RNF111: variants seen among roughly 807,000 people sequenced by gnomAD.
The protein encoded by RNF111 is E3 ubiquitin-protein ligase Arkadia.
A neutral mutation model predicts 95.1 loss-of-function variants in RNF111; 17 were observed. The observed-to-expected ratio is 0.18, with a 90% CI of 0.12 to 0.27. RNF111 has a LOEUF of 0.27. RNF111 is among the 10% of genes least tolerant of loss of function. The probability of loss-of-function intolerance (pLI) is 1.00; values close to 1 mark genes in which losing one functional copy is unlikely to be tolerated. For missense variants in RNF111, 1,189 were observed against 1,210.4 expected, an observed-to-expected ratio of 0.98 and a Z score of 0.26; for synonymous variants, 440 against 414.8, an observed-to-expected ratio of 1.06 and a Z score of -0.74.
chr15:58,993,037 G>A (rs759542624), intron 1 of RNF111, among the ~76,000 whole-genome samples: 4 of 151,468 alleles, frequency 2.6e-5, no homozygotes, highest in African/African-American at 9.7e-5. Flanking sequence ...GGGCATGGTG[G>A]CGGGTGCTTG....
chr15:59,001,124 G>A (rs1442654678), intron 1 of RNF111, among the ~76,000 whole-genome samples: 4 of 152,118 alleles, frequency 2.6e-5, no homozygotes, highest in Non-Finnish European at 4.4e-5. Context: ...AGTGAGCCTC[G>A]TGGTTATCTG....
In RNF111 at chr15:58,991,683, A is replaced by G. The variant is rs146814439; in HGVS notation, c.-20+3615A>G. On this transcript the variant is annotated intron_variant, in intron 1 of 13. Transcript: ENST00000348370. ...ACTGCTACAGATAGCAGGGGCGGCA[A>G]ATGCATTAGGTGAGGTTTGATTCTA... Among the ~76,000 whole-genome samples the G allele has an allele frequency of 1.5e-4, 23 of 152,308 alleles. No homozygotes were observed. The East Asian group carries it at 4.2e-3, about 28-fold the overall frequency.
chr15:59,073,524 T>G (rs1163051540), intron 6 of RNF111, among the ~76,000 whole-genome samples: 1 of 152,062 alleles, frequency 6.6e-6, no homozygotes, highest in African/African-American at 2.4e-5. Context: ...TGCTCCTCCG[T>G]CAGAAGCAAC....
chr15:59,006,575 CT>C (rs2039549037), intron 1 of RNF111, among the ~76,000 whole-genome samples: 2 of 152,192 alleles, frequency 1.3e-5, no homozygotes, highest in Admixed American at 1.3e-4. Context: ...TCCCTGCCAC[CT>C]AGATTCTATG....
chr15:58,988,742 T>C (rs2038680336), intron 1 of RNF111, among the ~76,000 whole-genome samples: 2 of 152,344 alleles, frequency 1.3e-5, no homozygotes, highest in South Asian at 4.1e-4. Context: ...ATTCAAAAAA[T>C]ACCAGAAAGT....
intron 6 of RNF111, among the ~76,000 whole-genome samples, chr15:59,069,676 A>G (rs2042823180): frequency 6.6e-6 from 1 of 152,192 alleles, no homozygotes. Context: ...GAAGGTAAAG[A>G]GAGTGAGATT....
rs374995639 is a variant in RNF111, at chr15:59,095,182, C to G, written c.*282C>G. The stretch of plus-strand genomic sequence containing the variant: ...TGCATTTCTTTGCACATATTATGGG[C>G]TTGTGACCCTAAACTTGCAGGCAAG... On this transcript the variant is annotated 3_prime_UTR_variant, in exon 14 of 14. Coordinates refer to ENST00000348370, the MANE Select transcript of RNF111 (RefSeq NM_017610.8). 3.3e-6 allele frequency: 1 copy of G among 302,354 alleles called. No homozygotes were observed. The highest frequency in any genetic ancestry group is 6.2e-6 in the Non-Finnish European group (1 of 161,998). The allele number at this position is 302,354 out of a possible 1,614,324, so 18.7% of individuals were successfully genotyped here.
chr15:59,071,749 T>C (rs1378192368), intron 6 of RNF111, among the ~76,000 whole-genome samples: 1 of 151,970 alleles, frequency 6.6e-6, no homozygotes, highest in Non-Finnish European at 1.5e-5. Context: ...GGAAGTGGAA[T>C]CTACCCTCTG....
intron 1 of RNF111, among the ~76,000 whole-genome samples, chr15:59,015,474 A>T (rs1219027856): frequency 6.6e-6 from 1 of 152,112 alleles, no homozygotes; most frequent in African/African-American, 2.4e-5. Flanking sequence ...CTTTGCCCCC[A>T]TCACTGTAAG....
intron 6 of RNF111, among the ~76,000 whole-genome samples, chr15:59,072,938 A>C (rs1433010468): frequency 1.3e-5 from 2 of 151,294 alleles, no homozygotes; most frequent in Non-Finnish European, 2.9e-5. Context: ...ATTTGCTCCC[A>C]ACACTTTGTG....
Position 58,988,299 on chromosome 15 carries a change from A to T in RNF111, c.-20+231A>T, listed in dbSNP as rs547493124. 3 of 152,212 alleles carry T rather than the reference A, an allele frequency of 2.0e-5. No individual in the cohort carries two copies. In the East Asian group the frequency reaches 5.8e-4, roughly 29 times the overall value. 9.4% of individuals were successfully genotyped at this position (152,212 alleles called of 1,614,324 possible). On this transcript the variant is annotated intron_variant, in intron 1 of 13. Transcript: ENST00000348370. ...ACACACCCACAGCCTACAGTGAGGG[A>T]GTGTGGGTGAGGGGATTTCTCTCCC...
chr15:58,998,845 G>T (rs2039199785), intron 1 of RNF111, among the ~76,000 whole-genome samples: 1 of 152,208 alleles, frequency 6.6e-6, no homozygotes, highest in Admixed American at 6.5e-5. Context: ...GTTACATAAT[G>T]AAATGTGTCA....
chr15:59,067,826 A>G (rs140365796), intron 6 of RNF111, among the ~76,000 whole-genome samples: 4 of 152,310 alleles, frequency 2.6e-5, no homozygotes, highest in East Asian at 3.8e-4. Context: ...AGAGTTCACT[A>G]TAACCTTCAC....
chr15:58,998,319 G>A (rs1439435182), intron 1 of RNF111, among the ~76,000 whole-genome samples: 1 of 151,632 alleles, frequency 6.6e-6, no homozygotes, highest in Non-Finnish European at 1.5e-5. Flanking sequence ...GTGTCATAGA[G>A]TTTGTTGTAC....
rs567087928 is a variant in RNF111, at chr15:59,022,959, G to A, written c.-19-7845G>A. On this transcript the variant is annotated intron_variant, in intron 1 of 13. Coordinates refer to ENST00000348370, the MANE Select transcript of RNF111 (RefSeq NM_017610.8). ...ATGACAGAGGATCTTTGAAAGTGAGGAAATTGGCTGGGCGCGGTGGCTTAC... is the reference window on the plus strand; with the variant it reads ...ATGACAGAGGATCTTTGAAAGTGAGAAAATTGGCTGGGCGCGGTGGCTTAC... Among the ~76,000 whole-genome samples the A allele has an allele frequency of 1.3e-3, 197 of 152,144 alleles. 5 individuals carry two copies. The South Asian group carries it at 0.04, about 31-fold the overall frequency.
intron 11 of RNF111, among the ~76,000 whole-genome samples, chr15:59,090,326 T>C (rs556583617): frequency 4.6e-5 from 7 of 152,188 alleles, no homozygotes; most frequent in African/African-American, 1.7e-4. Flanking sequence ...GCCTCCTGGG[T>C]TCAAGCAATT....
chr15:59,011,610 C>T (rs755018043), intron 1 of RNF111, among the ~76,000 whole-genome samples: 6 of 152,162 alleles, frequency 3.9e-5, no homozygotes, highest in South Asian at 2.1e-4. Flanking sequence ...TATAAATGAT[C>T]GCTTGCTGTG....
Position 59,030,981 on chromosome 15 carries a change from T to C in RNF111, c.159T>C (p.Val53=), listed in dbSNP as rs1197486965. 1 of 1,614,054 alleles carries C rather than the reference T, an allele frequency of 6.2e-7. No individual in the cohort carries two copies. Among genetic ancestry groups the C allele is most frequent in the African/African-American group, 1.3e-5 (1 of 74,934 alleles). Residue 53 remains valine (V), a synonymous_variant, in exon 2 of 14, where the codon GTT becomes GTC. Coordinates refer to ENST00000348370, the MANE Select transcript of RNF111 (RefSeq NM_017610.8). ...CAGCCAAAAGTTTTCCTGCAGGAGT[T>C]GAGATGATTAATAGTAAAGTGGGGA... is the stretch of plus-strand genomic sequence containing the variant. ...IGAAKSFPAG[V]EMINSKVGNE...
chr15:59,086,104 G>A (rs2078892885), intron 10 of RNF111, among the ~76,000 whole-genome samples: 1 of 151,918 alleles, frequency 6.6e-6, no homozygotes, highest in Non-Finnish European at 1.5e-5. Context: ...CCGTTCTGAT[G>A]CAGTCATACT....
Sources: allele counts gnomAD v4.1 joint callset (sites outside exome capture counted in the v4.1 genomes callset), GRCh38; gene constraint gnomAD v4.1.1; transcripts MANE v1.5; gene names NCBI Gene and HGNC (gene_info 2026-07-23, HGNC 2026-07-21).